ASMTL: variants seen among roughly 807,000 people sequenced by gnomAD.
ASMTL encodes probable bifunctional dTTP/UTP pyrophosphatase/methyltransferase protein.
Under a neutral mutation model 60.3 loss-of-function variants are expected in ASMTL, and 57 were observed. The ratio of observed to expected loss-of-function variants is 0.95; its 90% CI spans 0.76 to 1.18. The LOEUF (loss-of-function observed/expected upper bound fraction) is 1.18. Among genes scored for constraint, ASMTL ranks in the 50% most tolerant of loss-of-function variants. The probability of loss-of-function intolerance (pLI) is 0.00; values close to 1 mark genes in which losing one functional copy is unlikely to be tolerated. For synonymous variants in ASMTL, 419 were observed against 373.0 expected (o/e 1.12, Z -1.42); for missense variants, 981 against 852.6 (o/e 1.15, Z -1.88).
chrX:1,430,706 A>G (rs1197301008), intron 6 of ASMTL, among the ~76,000 whole-genome samples: 8 of 151,628 alleles, frequency 5.3e-5, no homozygotes, highest in Non-Finnish European at 8.8e-5. Context: ...CAAGAGGCTG[A>G]CGCTGCAGTG....
intron 2 of ASMTL, 142 bp downstream of exon 2, chrX:1,442,044 T>C: frequency 1.1e-6 from 1 of 904,620 alleles, no homozygotes; most frequent in Non-Finnish European, 1.7e-6. Context: ...TGCATTACAT[T>C]ATAACATAGC....
chrX:1,418,307 C>T (rs181431608), intron 10 of ASMTL, 191 bp from the exon 11 acceptor site: 22 of 203,516 alleles, frequency 1.1e-4, no homozygotes, highest in South Asian at 5.1e-4. Flanking sequence ...TGTGGGGGCA[C>T]AGACCTGCAG....
rs776490361 is a variant in ASMTL, at chrX:1,405,457, T to C, written c.1646-1968A>G. ...GATGGATGGGTGAATAGATAGTAGATGATGGTTAGGTAGGTAGATGAGTGG... is the reference window on the plus strand; with the variant it reads ...GATGGATGGGTGAATAGATAGTAGACGATGGTTAGGTAGGTAGATGAGTGG... On this transcript the variant is annotated intron_variant, in intron 12 of 12. Coordinates refer to ENST00000381317, the MANE Select transcript of ASMTL (RefSeq NM_004192.4). Among the ~76,000 whole-genome samples the C allele has an allele frequency of 4.7e-3, 710 of 150,742 alleles. 8 individuals carry two copies. Among genetic ancestry groups the C allele is most frequent in the African/African-American group, 0.016 (673 of 40,880 alleles).
intron 1 of ASMTL, among the ~76,000 whole-genome samples, chrX:1,443,407 GCCGCCATCTTGGACACACA>G (rs2091160805): frequency 3.4e-5 from 3 of 87,156 alleles, no homozygotes; most frequent in South Asian, 9.3e-4. Context: ...TTGGACACAC[GCCGCCATCTTGGACACACA>G]CCGCCATCTT....
At chrX:1,414,691 G>C (rs1250472779) in intron 11 of ASMTL, among the ~76,000 whole-genome samples, 24 of 152,154 alleles carry the variant, frequency 1.6e-4, no homozygotes, top group African/African-American at 5.3e-4. Flanking sequence ...CTGGGTGACA[G>C]AGCGAGACAC....
At chrX:1,413,545 C>T (rs751283996) in intron 11 of ASMTL, among the ~76,000 whole-genome samples, 19 of 152,286 alleles carry the variant, frequency 1.2e-4, no homozygotes, top group Admixed American at 2.6e-4. Context: ...TGTAGCTGCA[C>T]GCCCCTCTGT....
chrX:1,443,388 GCCGCCATCTTGGACACACGCCGCCATCT>G (rs2091159908), intron 1 of ASMTL, among the ~76,000 whole-genome samples: 1 of 43,266 alleles, frequency 2.3e-5, no homozygotes, highest in Non-Finnish European at 7.2e-5. Flanking sequence ...ATGGACACAC[GCCGCCATCTTGGACACACGCCGCCATCT>G]TGGACACACA....
chrX:1,418,110 G>C lies in ASMTL; in HGVS notation c.1385C>G (p.Thr462Arg). Residue 462 changes from threonine (T) to arginine (R), a missense_variant, in exon 11 of 13, where the codon ACG (threonine) becomes AGG (arginine). Coordinates refer to ENST00000381317, the MANE Select transcript of ASMTL (RefSeq NM_004192.4). Reference sequence around the variant, plus strand: ...GGCCAGCTCTCGGGCCAGTGCACCCGTGCAGCCTGCGGGGAAGCAAATGCA... The same window carrying C: ...GGCCAGCTCTCGGGCCAGTGCACCCCTGCAGCCTGCGGGGAAGCAAATGCA... ...FSSACDVGGCTGALARELARE... is the reference protein window; with the variant it reads ...FSSACDVGGCRGALARELARE... 6.2e-7 allele frequency: 1 copy of C among 1,600,566 alleles called. No homozygotes were observed.
intron 6 of ASMTL, among the ~76,000 whole-genome samples, chrX:1,431,246 A>C (rs1404908401): frequency 7.9e-6 from 1 of 126,898 alleles, no homozygotes; most frequent in Non-Finnish European, 1.6e-5. Flanking sequence ...TTTATATATA[A>C]TTATAAATAT....
chrX:1,429,893 C>T lies in ASMTL; in HGVS notation c.510-1772G>A, dbSNP rs190265818. The stretch of plus-strand genomic sequence containing the variant: ...TTATCCCATCGAGCACCTCATGTAC[C>T]TATTCTGTGTGTGTGGGGAGAAGAC... On this transcript the variant is annotated intron_variant, in intron 6 of 12. Coordinates refer to ENST00000381317, the MANE Select transcript of ASMTL (RefSeq NM_004192.4). Among the ~76,000 whole-genome samples the T allele has an allele frequency of 3.4e-3, 520 of 152,194 alleles. 4 individuals are homozygous for T. The highest frequency in any genetic ancestry group is 0.012 in the African/African-American group (496 of 41,522).
intron 3 of ASMTL, among the ~76,000 whole-genome samples, chrX:1,438,208 G>A (rs1219491474): frequency 3.3e-5 from 5 of 152,084 alleles, no homozygotes; most frequent in South Asian, 2.1e-4. Context: ...GCTTGAACCC[G>A]GGAGGCGGAG....
At chrX:1,432,191 TG>T in intron 6 of ASMTL, 77 bp downstream of exon 6, 1 of 1,221,902 alleles carries the variant, frequency 8.2e-7, no homozygotes, top group Non-Finnish European at 1.2e-6. Flanking sequence ...TCCCAAAGGC[TG>T]GGTGGGACAC....
At chrX:1,412,318 C>T (rs1288665094) in intron 12 of ASMTL, among the ~76,000 whole-genome samples, 4 of 151,888 alleles carry the variant, frequency 2.6e-5, no homozygotes, top group African/African-American at 9.7e-5. Context: ...GTCTCCAGCT[C>T]CCGGGTTCAA....
chrX:1,450,694 G>A (rs1347909019), intron 1 of ASMTL, among the ~76,000 whole-genome samples: 11 of 135,898 alleles, frequency 8.1e-5, no homozygotes, highest in East Asian at 2.4e-4. Context: ...AGGGGGTTCC[G>A]GGTCACACTC....
At chrX:1,407,311 G>A (rs1212378288) in intron 12 of ASMTL, among the ~76,000 whole-genome samples, 6 of 151,306 alleles carry the variant, frequency 4.0e-5, no homozygotes, top group Admixed American at 4.0e-4. Context: ...TACATGATGG[G>A]CAGGTAGATG....
Position 1,446,103 on chromosome X carries a change from A to G in ASMTL, c.94-3786T>C, listed in dbSNP as rs191559894. ...ATCCTGTACACCTGGCTCTGCCTTT[A>G]GTTAGCAGGAGCAAATTAGTGAAAG... On this transcript the variant is annotated intron_variant, in intron 1 of 12. Transcript: ENST00000381317. 1.2e-4 allele frequency among the ~76,000 whole-genome samples: 19 copies of G among 152,308 alleles called. No individual in the cohort carries two copies. In the East Asian group the frequency reaches 3.5e-3, roughly 28 times the overall value.
intron 3 of ASMTL, among the ~76,000 whole-genome samples, chrX:1,438,387 A>T (rs28366454): frequency 0.35 from 53,109 of 151,846 alleles, 9,589 homozygotes; most frequent in East Asian, 0.52. Context: ...GAGCCAAAGG[A>T]GACAATGGGT....
chrX:1,438,981 G>T, intron 3 of ASMTL, 116 bp downstream of exon 3: 1 of 1,161,534 alleles, frequency 8.6e-7, no homozygotes, highest in Non-Finnish European at 1.3e-6. Context: ...GGGAGTTTCT[G>T]GAAGCGAGTC....
intron 1 of ASMTL, among the ~76,000 whole-genome samples, chrX:1,444,968 T>C (rs1412630391): frequency 1.3e-5 from 2 of 152,092 alleles, no homozygotes; most frequent in Non-Finnish European, 2.9e-5. Context: ...TGCTTCGTCT[T>C]CCTCTCTCTT....
Sources: allele counts gnomAD v4.1 joint callset (sites outside exome capture counted in the v4.1 genomes callset), GRCh38; gene constraint gnomAD v4.1.1; transcripts MANE v1.5; gene names NCBI Gene and HGNC (gene_info 2026-07-23, HGNC 2026-07-21).